Variants in GSTO1 observed in about 807,000 individuals in gnomAD.
GSTO1 encodes the protein glutathione S-transferase omega-1.
A neutral mutation model predicts 23.8 loss-of-function variants in GSTO1; 27 were observed. That is an observed-to-expected ratio of 1.13 (90% CI 0.83 to 1.56). GSTO1 has a LOEUF of 1.56. Ranked by LOEUF, GSTO1 falls within the 40% of genes most tolerant of loss-of-function variation. The pLI is 0.00. For missense variants in GSTO1, 255 were observed against 285.8 expected (o/e 0.89, Z 0.78); for synonymous variants, 105 against 109.3 (o/e 0.96, Z 0.25).
Position 104,260,668 on chromosome 10 carries a change from C to A in GSTO1, c.366+870C>A, listed in dbSNP as rs148983201. ...ATGTGTGTTTAGACACCAAGAATAG[C>A]ATGTCTGGTTATATGCCTATAACAT... is the stretch of plus-strand genomic sequence containing the variant. On this transcript the variant is annotated intron_variant, in intron 3 of 5. Transcript: ENST00000369713. Among the ~76,000 whole-genome samples the A allele has an allele frequency of 3.1e-3, 469 of 152,274 alleles. 2 individuals are homozygous for A. The highest frequency in any genetic ancestry group is 0.017 in the Middle Eastern group (5 of 294).
At chr10:104,260,640 A>C (rs2282326) in intron 3 of GSTO1, among the ~76,000 whole-genome samples, 68,274 of 152,110 alleles carry the variant, frequency 0.45, 17,362 homozygotes, top group African/African-American at 0.7. Context: ...AAATGACTAA[A>C]AGATGTGTGT....
chr10:104,258,654 A>G (rs1802697163), intron 2 of GSTO1, among the ~76,000 whole-genome samples: 1 of 152,158 alleles, frequency 6.6e-6, no homozygotes, highest in Non-Finnish European at 1.5e-5. Flanking sequence ...TGAGCCCAGG[A>G]GTTCAAGACC....
Position 104,259,799 on chromosome 10 carries a change from G to A in GSTO1, c.366+1G>A. On this transcript the variant is annotated splice_donor_variant, in intron 3 of 5. Transcript: ENST00000369713. LOFTEE classifies it high-confidence loss of function. ...GATGATCTTAGAGTTGTTTTCTAAG[G>A]TTTGTGCATAAGAAATTTCAGCTCC... The A allele has an allele frequency of 2.5e-6, 4 of 1,596,046 alleles. No homozygotes were observed. Among genetic ancestry groups the A allele is most frequent in the Non-Finnish European group, 3.4e-6 (4 of 1,164,944 alleles).
intron 3 of GSTO1, among the ~76,000 whole-genome samples, chr10:104,261,939 C>G (rs1351390813): frequency 6.6e-6 from 1 of 152,200 alleles, no homozygotes; most frequent in Non-Finnish European, 1.5e-5. Flanking sequence ...CCCTTTTGAA[C>G]AGTCTCCTGG....
chr10:104,263,059 A>AT lies in GSTO1; in HGVS notation c.450dup (p.Thr151TyrfsTer9). On this transcript the variant is annotated frameshift_variant, in exon 4 of 6. Coordinates refer to ENST00000369713, the MANE Select transcript of GSTO1 (RefSeq NM_004832.3). LOFTEE classifies it high-confidence loss of function. Reference sequence around the variant, plus strand: ...GCCTAAAAGAAGAATTTCGTAAAGAATTTACCAAGCTAGAGGAGGTAATTA... The same window carrying AT: ...GCCTAAAAGAAGAATTTCGTAAAGAATTTTACCAAGCTAGAGGAGGTAATTA... The AT allele has an allele frequency of 6.8e-7, 1 of 1,465,250 alleles. No homozygotes were observed. The highest frequency in any genetic ancestry group is 9.6e-7 in the Non-Finnish European group (1 of 1,046,196). 90.8% of individuals were successfully genotyped at this position (1,465,250 alleles called of 1,614,324 possible).
intron 4 of GSTO1, among the ~76,000 whole-genome samples, chr10:104,265,145 G>T (rs1458146692): frequency 6.6e-6 from 1 of 152,168 alleles, no homozygotes; most frequent in Non-Finnish European, 1.5e-5. Context: ...TTTTAATGCA[G>T]AGAAGTACCC....
In GSTO1 at chr10:104,267,380, C is replaced by T. The variant is rs2011207205; in HGVS notation, c.701C>T (p.Pro234Leu). 2 of 1,612,774 alleles carry T rather than the reference C, an allele frequency of 1.2e-6. No homozygotes were observed. The highest frequency in any genetic ancestry group is 3.4e-5 in the Admixed American group (2 of 59,700). Residue 234 changes from proline (P) to leucine (L), a missense_variant, in exon 6 of 6, where the codon CCT (proline) becomes CTT (leucine). Transcript: ENST00000369713. Reference protein sequence around the residue: ...GFLELYLQNSPEACDYGL With the variant: ...GFLELYLQNSLEACDYGL ...CTAGAGCTCTACTTACAGAACAGCC[C>T]TGAGGCCTGTGACTATGGGCTCTGA...
At chr10:104,255,070 C>G (rs2091595445) in intron 1 of GSTO1, 93 bp from the exon 2 acceptor site, 1 of 1,424,416 alleles carries the variant, frequency 7.0e-7, no homozygotes, top group African/African-American at 1.4e-5. Flanking sequence ...CGGCGGGGAA[C>G]GGGTCGGAGC....
At chr10:104,263,578 TC>T (rs1473895452) in intron 4 of GSTO1, among the ~76,000 whole-genome samples, 2 of 152,160 alleles carry the variant, frequency 1.3e-5, no homozygotes, top group African/African-American at 4.8e-5. Context: ...TATTTTACCT[TC>T]TTTTGGGGAC....
chr10:104,259,554 T>C, intron 2 of GSTO1, 22 bp from the exon 3 acceptor site: 1 of 1,459,782 alleles, frequency 6.9e-7, no homozygotes, highest in Non-Finnish European at 9.6e-7. Context: ...CTTCTCTTCA[T>C]AGTCTCCTAT....
In GSTO1 at chr10:104,267,125, AAAT is replaced by A. The variant is rs1222083542; in HGVS notation, c.573-125_573-123del. 1.2e-4 allele frequency: 66 copies of A among 565,142 alleles called. No individual in the cohort carries two copies. In the African/African-American group the frequency reaches 1.2e-3, roughly 10 times the overall value. 35.0% of individuals were successfully genotyped at this position (565,142 alleles called of 1,614,324 possible). On this transcript the variant is annotated intron_variant, in intron 5 of 5. Coordinates refer to ENST00000369713, the MANE Select transcript of GSTO1 (RefSeq NM_004832.3). ...TGAATATTCTATTACAGGCATTTTT[AAAT>A]ATTTTTAATGAAATATTTAAGGGAA...
Position 104,259,609 on chromosome 10 carries a change from G to C in GSTO1, c.177G>C (p.Lys59Asn). The C allele has an allele frequency of 6.2e-7, 1 of 1,612,772 alleles. No individual in the cohort carries two copies. Among genetic ancestry groups the C allele is most frequent in the Non-Finnish European group, 8.5e-7 (1 of 1,178,880 alleles). ...HEVININLKNKPEWFFKKNPF... is the reference protein window; with the variant it reads ...HEVININLKNNPEWFFKKNPF... The stretch of plus-strand genomic sequence containing the variant: ...TCATCAATATCAACCTGAAAAATAA[G>C]CCTGAGTGGTTCTTTAAGAAAAATC... Residue 59 changes from lysine to asparagine, a missense_variant, in exon 3 of 6, where the codon AAG (lysine) becomes AAC (asparagine). Coordinates refer to ENST00000369713, the MANE Select transcript of GSTO1 (RefSeq NM_004832.3).
At position 104,255,204 on chromosome 10, in the gene GSTO1, A is replaced by G. The variant is rs564705573; in HGVS notation, c.76A>G (p.Ile26Val). 2 of 1,613,904 alleles carry G rather than the reference A, an allele frequency of 1.2e-6. No individual in the cohort carries two copies. The highest frequency in any genetic ancestry group is 2.2e-5 in the South Asian group (2 of 91,074). The stretch of plus-strand genomic sequence containing the variant: ...GCCGGTCCCGGAGGGCTCGATCCGC[A>G]TCTACAGCATGAGGTTCTGCCCGTT... ...PGPVPEGSIR[I>V]YSMRFCPFAE... The change falls in exon 2 of 6, where the codon ATC becomes GTC. Residue 26 changes from isoleucine to valine, a missense_variant. Transcript: ENST00000369713.
intron 2 of GSTO1, among the ~76,000 whole-genome samples, chr10:104,255,587 C>T (rs1230271298): frequency 6.6e-6 from 1 of 152,200 alleles, no homozygotes; most frequent in Admixed American, 6.5e-5. Flanking sequence ...TTTGGTAGGT[C>T]ACGAATTCCT....
At chr10:104,263,182 G>A in intron 4 of GSTO1, 105 bp downstream of exon 4, 1 of 555,256 alleles carries the variant, frequency 1.8e-6, no homozygotes. Flanking sequence ...TCACTTTAAG[G>A]TAATTAGGAA....
chr10:104,259,452 G>A (rs1045755302), intron 2 of GSTO1, 124 bp from the exon 3 acceptor site: 32 of 618,032 alleles, frequency 5.2e-5, no homozygotes, highest in Non-Finnish European at 8.9e-5. Context: ...TAGAATGGAA[G>A]GAATCTAGGC....
intron 2 of GSTO1, among the ~76,000 whole-genome samples, chr10:104,257,793 G>C (rs1171414736): frequency 6.6e-6 from 1 of 152,154 alleles, no homozygotes; most frequent in African/African-American, 2.4e-5. Flanking sequence ...TTATAACTAA[G>C]ATACCTCTTA....
In GSTO1 at chr10:104,255,195, T is replaced by C; in HGVS notation, c.67T>C (p.Ser23Pro). ...GCCCCCGGGGCCGGTCCCGGAGGGC[T>C]CGATCCGCATCTACAGCATGAGGTT... is the stretch of plus-strand genomic sequence containing the variant. ...SAPPGPVPEG[S>P]IRIYSMRFCP... is the part of the protein sequence containing the mutation. Residue 23 changes from serine (S) to proline (P), a missense_variant, in exon 2 of 6, where the codon TCG becomes CCG. Ser to Pro is a moderately conservative substitution (Grantham distance 74, BLOSUM62 -1). Transcript: ENST00000369713. 3.1e-6 allele frequency: 5 copies of C among 1,613,800 alleles called. No individual in the cohort carries two copies. Among genetic ancestry groups the C allele is most frequent in the Non-Finnish European group, 4.2e-6 (5 of 1,179,804 alleles).
chr10:104,259,662 ACAGT>A lies in GSTO1; in HGVS notation c.234_237del (p.Ser78ArgfsTer4). The A allele has an allele frequency of 6.2e-7, 1 of 1,613,492 alleles. No individual in the cohort carries two copies. The highest frequency in any genetic ancestry group is 2.2e-5 in the East Asian group (1 of 44,878). On this transcript the variant is annotated frameshift_variant, in exon 3 of 6. Transcript: ENST00000369713. LOFTEE classifies it high-confidence loss of function. The stretch of plus-strand genomic sequence containing the variant: ...TTTGGTCTGGTGCCAGTTCTGGAAA[ACAGT>A]CAGGGTCAGCTGATCTACGAGTCTG...
Sources: allele counts gnomAD v4.1 joint callset (sites outside exome capture counted in the v4.1 genomes callset), GRCh38; gene constraint gnomAD v4.1.1; transcripts MANE v1.5; gene names NCBI Gene and HGNC (gene_info 2026-07-23, HGNC 2026-07-21).